IL1RAPL2: variants seen among roughly 807,000 people sequenced by gnomAD.
IL1RAPL2 encodes the protein X-linked interleukin-1 receptor accessory protein-like 2.
IL1RAPL2 carries 3 observed loss-of-function variants against 44.1 expected under a neutral mutation model. The ratio of observed to expected loss-of-function variants is 0.07; its 90% CI spans 0.03 to 0.18. The LOEUF is 0.18. Ranked by LOEUF, IL1RAPL2 falls within the 10% of genes least tolerant of loss-of-function variation. The pLI is 1.00. For synonymous variants in IL1RAPL2, 181 were observed against 178.8 expected (o/e 1.01, Z -0.10); for missense variants, 391 against 496.4 (o/e 0.79, Z 2.02).
chrX:104,955,087 G>C (rs1925678826), intron 2 of IL1RAPL2, among the ~76,000 whole-genome samples: 2 of 112,021 alleles, frequency 1.8e-5, no homozygotes, highest in Admixed American at 1.9e-4. Flanking sequence ...TGTTGCCATG[G>C]TAATGGTAAA....
intron 2 of IL1RAPL2, among the ~76,000 whole-genome samples, chrX:105,020,127 C>T (rs1044377898): frequency 9.1e-6 from 1 of 110,155 alleles, no homozygotes; most frequent in East Asian, 2.9e-4. Context: ...GTGTGTGCCA[C>T]TACAGCCAGC....
chrX:105,569,106 A>G (rs1237751546), intron 6 of IL1RAPL2, among the ~76,000 whole-genome samples: 1 of 112,131 alleles, frequency 8.9e-6, no homozygotes, highest in African/African-American at 3.2e-5. Context: ...AAATTGAATT[A>G]TTACATCCTG....
intron 1 of IL1RAPL2, among the ~76,000 whole-genome samples, chrX:104,576,717 G>GT (rs1195441840): frequency 9.0e-6 from 1 of 111,693 alleles, no homozygotes; most frequent in Admixed American, 9.5e-5. Flanking sequence ...AAACTTTGTA[G>GT]TATTGTCCTT....
intron 2 of IL1RAPL2, among the ~76,000 whole-genome samples, chrX:105,191,192 A>G (rs1161197282): frequency 1.8e-5 from 2 of 112,152 alleles, no homozygotes; most frequent in Non-Finnish European, 3.8e-5. Context: ...GTTTTGGAGA[A>G]CTCAGATATT....
At chrX:105,548,953 C>T (rs1267934596) in intron 6 of IL1RAPL2, among the ~76,000 whole-genome samples, 1 of 112,061 alleles carries the variant, frequency 8.9e-6, no homozygotes, top group Non-Finnish European at 1.9e-5. Context: ...TGAGCGTCCT[C>T]TTTTGATGAT....
chrX:105,530,620 T>C (rs2147792737), intron 6 of IL1RAPL2, among the ~76,000 whole-genome samples: 1 of 110,996 alleles, frequency 9.0e-6, no homozygotes, highest in South Asian at 3.9e-4. Flanking sequence ...TATTTTAAAA[T>C]ATACAATTAA....
intron 6 of IL1RAPL2, among the ~76,000 whole-genome samples, chrX:105,519,503 A>T (rs1426469454): frequency 9.0e-6 from 1 of 111,220 alleles, no homozygotes. Context: ...CTCAGGACTG[A>T]TGGAAGCAGC....
intron 6 of IL1RAPL2, among the ~76,000 whole-genome samples, chrX:105,513,093 T>C (rs1171765681): frequency 9.9e-5 from 11 of 111,502 alleles, no homozygotes; most frequent in African/African-American, 2.3e-4. Context: ...GCAAAGGACA[T>C]GAACTCATCC....
chrX:105,332,776 A>G, intron 5 of IL1RAPL2, among the ~76,000 whole-genome samples: 1 of 111,900 alleles, frequency 8.9e-6, no homozygotes, highest in Non-Finnish European at 1.9e-5. Context: ...TACAATAGCC[A>G]TTAATAAAAT....
At chrX:105,592,444 T>A (rs998495309) in intron 6 of IL1RAPL2, among the ~76,000 whole-genome samples, 2 of 111,932 alleles carry the variant, frequency 1.8e-5, no homozygotes, top group African/African-American at 6.5e-5. Context: ...TTAATATTGA[T>A]ATGTGTGGTT....
rs1337235388 is a variant in IL1RAPL2, at chrX:105,755,355, C to G, written c.1363+8C>G. ...ACCTGATTCCAAGTGGAAGTAAGTA[C>G]TTTCAAATTTTGTGTTTAAAACGTT... On this transcript the variant is annotated splice_region_variant and intron_variant, in intron 10 of 10. Transcript: ENST00000372582. The G allele has an allele frequency of 8.6e-7, 1 of 1,167,578 alleles. No homozygotes were observed. Among genetic ancestry groups the G allele is most frequent in the Admixed American group, 2.3e-5 (1 of 43,614 alleles).
chrX:105,565,870 G>A (rs1250952608), intron 6 of IL1RAPL2, among the ~76,000 whole-genome samples: 1 of 112,080 alleles, frequency 8.9e-6, no homozygotes, highest in Non-Finnish European at 1.9e-5. Context: ...AAAGAAATAA[G>A]GAGAAGAAAA....
At chrX:105,701,218 T>A (rs1207044799) in intron 6 of IL1RAPL2, among the ~76,000 whole-genome samples, 1 of 111,570 alleles carries the variant, frequency 9.0e-6, no homozygotes, top group Non-Finnish European at 1.9e-5. Context: ...CAATTAGGTT[T>A]GCAGAAGGAA....
At chrX:105,732,724 A>T (rs1378511109) in intron 7 of IL1RAPL2, among the ~76,000 whole-genome samples, 1 of 111,840 alleles carries the variant, frequency 8.9e-6, no homozygotes, top group Non-Finnish European at 1.9e-5. Flanking sequence ...TGCAAAATAC[A>T]TTTCTAACTA....
chrX:105,046,719 G>C (rs1236062919), intron 2 of IL1RAPL2, among the ~76,000 whole-genome samples: 6 of 110,731 alleles, frequency 5.4e-5, no homozygotes, highest in South Asian at 7.7e-4. Context: ...TTTGAGCACA[G>C]TGTCCATTCT....
chrX:105,153,206 A>G (rs1364584931), intron 2 of IL1RAPL2, among the ~76,000 whole-genome samples: 1 of 112,340 alleles, frequency 8.9e-6, no homozygotes, highest in Non-Finnish European at 1.9e-5. Flanking sequence ...TCTGTAAAGG[A>G]CACCTTGTGA....
intron 2 of IL1RAPL2, among the ~76,000 whole-genome samples, chrX:104,871,581 A>AT (rs953887505): frequency 6.3e-5 from 7 of 110,486 alleles, no homozygotes; most frequent in East Asian, 2.8e-4. Context: ...GTTATCCTGT[A>AT]TTTTTTTTCT....
At chrX:104,791,577 C>G (rs1272686983) in intron 2 of IL1RAPL2, among the ~76,000 whole-genome samples, 2 of 111,758 alleles carry the variant, frequency 1.8e-5, no homozygotes, top group East Asian at 5.7e-4. Context: ...AATCAGAACA[C>G]CAGGAGAAAT....
intron 2 of IL1RAPL2, among the ~76,000 whole-genome samples, chrX:104,946,807 G>C (rs1440850282): frequency 1.8e-4 from 17 of 95,610 alleles, no homozygotes; most frequent in South Asian, 5.6e-4. Flanking sequence ...TCTTAATCCA[G>C]TCTATCATTG....
Sources: allele counts gnomAD v4.1 joint callset (sites outside exome capture counted in the v4.1 genomes callset), GRCh38; gene constraint gnomAD v4.1.1; transcripts MANE v1.5; gene names NCBI Gene and HGNC (gene_info 2026-07-23, HGNC 2026-07-21).